Variants in KALRN observed in about 807,000 individuals in gnomAD.
KALRN encodes the protein kalirin RhoGEF kinase.
A neutral mutation model predicts 353.7 loss-of-function variants in KALRN; 70 were observed. The ratio of observed to expected loss-of-function variants is 0.20; its 90% CI spans 0.16 to 0.24. KALRN has a LOEUF of 0.24. KALRN is among the 10% of genes least tolerant of loss of function. The probability of loss-of-function intolerance (pLI) is 1.00; values close to 1 mark genes in which losing one functional copy is unlikely to be tolerated. For missense variants in KALRN, 2,791 were observed against 3,756.7 expected (o/e 0.74, Z 6.72); for synonymous variants, 1,391 against 1,434.8 (o/e 0.97, Z 0.69).
intron 50 of KALRN, 36 bp from the exon 51 acceptor site, chr3:124,679,422 T>A (rs774815115): frequency 5.7e-6 from 9 of 1,589,854 alleles, no homozygotes. Flanking sequence ...CTAACTGTGT[T>A]CTCTTTCTTC....
At chr3:124,447,379 G>C (rs1213662837) in intron 21 of KALRN, among the ~76,000 whole-genome samples, 1 of 152,162 alleles carries the variant, frequency 6.6e-6, no homozygotes, top group East Asian at 1.9e-4. Flanking sequence ...TCATGAGCTA[G>C]GCTAGGCTGG....
intron 1 of KALRN, among the ~76,000 whole-genome samples, chr3:124,204,531 G>C (rs2076237197): frequency 6.6e-6 from 1 of 151,928 alleles, no homozygotes; most frequent in Admixed American, 6.6e-5. Flanking sequence ...TCCAGATATT[G>C]GATTGGTGCA....
intron 42 of KALRN, among the ~76,000 whole-genome samples, chr3:124,658,762 C>G (rs1266304482): frequency 6.6e-6 from 1 of 152,184 alleles, no homozygotes; most frequent in Admixed American, 6.5e-5. Flanking sequence ...CCCCCATTTG[C>G]AGAATAAGCC....
chr3:124,436,464 G>C (rs1157942242), intron 17 of KALRN, among the ~76,000 whole-genome samples: 3 of 152,248 alleles, frequency 2.0e-5, no homozygotes, highest in Non-Finnish European at 2.9e-5. Context: ...CACGTTTCAG[G>C]CCTTGCAGAA....
At chr3:124,599,235 G>A (rs771818068) in intron 34 of KALRN, among the ~76,000 whole-genome samples, 29 of 152,138 alleles carry the variant, frequency 1.9e-4, no homozygotes, top group Non-Finnish European at 4.0e-4. Flanking sequence ...GAGTAAAAGC[G>A]GCATAAAGCT....
At chr3:124,624,594 C>T (rs959084119) in intron 34 of KALRN, among the ~76,000 whole-genome samples, 1 of 152,272 alleles carries the variant, frequency 6.6e-6, no homozygotes, top group South Asian at 2.1e-4. Context: ...CTTATTCTAA[C>T]CCCCAAGATG....
intron 9 of KALRN, among the ~76,000 whole-genome samples, chr3:124,338,734 G>C (rs1037853716): frequency 6.6e-6 from 1 of 151,958 alleles, no homozygotes; most frequent in Non-Finnish European, 1.5e-5. Flanking sequence ...TTTATAGTGG[G>C]GTGTTAAAGT....
Position 124,354,905 on chromosome 3 carries a change from T to C in KALRN, c.1770+7640T>C, listed in dbSNP as rs1426813942. Among the ~76,000 whole-genome samples the C allele has an allele frequency of 2.0e-5, 3 of 152,062 alleles. No individual in the cohort carries two copies. The East Asian group carries it at 5.8e-4, about 29-fold the overall frequency. ...ACCTTATGCAGAAACAAAATGAAGA[T>C]AAGAGGAACACAGAAATGAGCCATC... On this transcript the variant is annotated intron_variant, in intron 10 of 59. Coordinates refer to ENST00000682506, the MANE Select transcript of KALRN (RefSeq NM_001388419.1).
intron 1 of KALRN, among the ~76,000 whole-genome samples, chr3:124,198,429 C>T (rs927458820): frequency 3.3e-5 from 5 of 152,168 alleles, no homozygotes; most frequent in Admixed American, 6.5e-5. Flanking sequence ...CACAGCTTGC[C>T]GCACAGTAAG....
intron 1 of KALRN, among the ~76,000 whole-genome samples, chr3:124,137,200 C>T (rs1054592591): frequency 6.6e-6 from 1 of 152,120 alleles, no homozygotes; most frequent in Non-Finnish European, 1.5e-5. Context: ...AACCTCAAAA[C>T]AAATATTTAC....
rs969477741 is a variant in KALRN at position 124,365,721 on chromosome 3, T to G, written c.1770+18456T>G. ...AAGCATTTAAATCTATATTAGCTTG[T>G]CAGTTTCACACATGGAGGAACCCAA... On this transcript the variant is annotated intron_variant, in intron 10 of 59. Coordinates refer to ENST00000682506, the MANE Select transcript of KALRN (RefSeq NM_001388419.1). Among the ~76,000 whole-genome samples the G allele has an allele frequency of 2.6e-5, 4 of 152,244 alleles. No individual in the cohort carries two copies. In the East Asian group the frequency reaches 5.8e-4, roughly 22 times the overall value.
At chr3:124,357,451 G>T (rs1228439635) in intron 10 of KALRN, among the ~76,000 whole-genome samples, 1 of 152,096 alleles carries the variant, frequency 6.6e-6, no homozygotes, top group East Asian at 1.9e-4. Context: ...TTTATGACCT[G>T]CCCATTACTT....
At chr3:124,547,031 G>T (rs542525810) in intron 33 of KALRN, among the ~76,000 whole-genome samples, 261 of 152,314 alleles carry the variant, frequency 1.7e-3, no homozygotes, top group Non-Finnish European at 3.0e-3. Flanking sequence ...AACTTTCTAT[G>T]CAGTCTCTTC....
intron 9 of KALRN, among the ~76,000 whole-genome samples, chr3:124,336,931 C>T (rs1056118583): frequency 2.6e-5 from 4 of 152,008 alleles, no homozygotes; most frequent in Non-Finnish European, 5.9e-5. Context: ...CATGATTTGG[C>T]TCTCTATTAT....
At chr3:124,430,243 C>T (rs769260939) in intron 15 of KALRN, among the ~76,000 whole-genome samples, 2 of 152,052 alleles carry the variant, frequency 1.3e-5, no homozygotes, top group African/African-American at 2.4e-5. Flanking sequence ...AGATTAGGTG[C>T]AAAAGATTTC....
At chr3:124,418,351 G>A (rs1457955321) in intron 14 of KALRN, among the ~76,000 whole-genome samples, 1 of 152,076 alleles carries the variant, frequency 6.6e-6, no homozygotes, top group African/African-American at 2.4e-5. Context: ...TAATTGGTCT[G>A]GAGTGGACCC....
At chr3:124,569,434 C>T (rs1431560970) in intron 34 of KALRN, among the ~76,000 whole-genome samples, 1 of 152,224 alleles carries the variant, frequency 6.6e-6, no homozygotes, top group East Asian at 1.9e-4. Context: ...AAGTGTGTCA[C>T]CAACTCACAA....
chr3:124,407,752 A>G (rs190670421), intron 13 of KALRN: 6 of 152,276 alleles, frequency 3.9e-5, no homozygotes, highest in East Asian at 1.9e-4. Flanking sequence ...ATGGGCCCTG[A>G]CGCACAAATA....
intron 1 of KALRN, among the ~76,000 whole-genome samples, chr3:124,116,676 G>GT (rs989517554): frequency 6.6e-6 from 1 of 152,092 alleles, no homozygotes; most frequent in Admixed American, 6.5e-5. Flanking sequence ...AATATACTAT[G>GT]TTTTTTCCCT....
Sources: gnomAD v4.1 joint callset for allele counts (sites outside exome capture counted in the v4.1 genomes callset) on GRCh38, gnomAD v4.1.1 for gene constraint, MANE v1.5 for transcripts, NCBI Gene and HGNC (gene_info 2026-07-23, HGNC 2026-07-21) for gene names.